EHMT1: variants seen among roughly 807,000 people sequenced by gnomAD.
EHMT1 encodes the protein histone-lysine N-methyltransferase EHMT1.
Under a neutral mutation model 147.2 loss-of-function variants are expected in EHMT1, and 15 were observed. That is an observed-to-expected ratio of 0.10 (90% confidence interval 0.07 to 0.16). The LOEUF (loss-of-function observed/expected upper bound fraction) is 0.16. Ranked by LOEUF, EHMT1 falls within the 10% of genes least tolerant of loss-of-function variation. EHMT1 has a pLI of 1.00. For synonymous variants in EHMT1, 795 were observed against 709.6 expected, an observed-to-expected ratio of 1.12 and a Z score of -1.91; for missense variants, 1,587 against 1,772.4, an observed-to-expected ratio of 0.90 and a Z score of 1.88.
In EHMT1 at chr9:137,775,419, G is replaced by C. The variant is rs1196081261; in HGVS notation, c.1791+167G>C. On this transcript the variant is annotated intron_variant, in intron 11 of 26. Transcript: ENST00000460843. This position sits in a 1 kb window ranked among gnomAD's most constrained non-coding sequence, Gnocchi z 6.1. Reference sequence around the variant, plus strand: ...TGTTCACAAGCCCCTCACCACCCCTGTCGAGCCCCAGTGCCTTAGACACCT... The same window carrying C: ...TGTTCACAAGCCCCTCACCACCCCTCTCGAGCCCCAGTGCCTTAGACACCT... Among the ~76,000 whole-genome samples the C allele has an allele frequency of 3.9e-5, 6 of 151,924 alleles. No homozygotes were observed. The highest frequency in any genetic ancestry group is 7.4e-5 in the Non-Finnish European group (5 of 67,936).
rs1324630842 is a variant in EHMT1 at position 137,711,006 on chromosome 9, G to A, written c.61G>A (p.Val21Met). ...GGGGGAGCCTCAGCAGGATTGCTGT[G>A]TGAAAACCGAGCTGCTGGGAGAAGG... ...ARGEPQQDCC[V>M]KTELLGEETP... The change falls in exon 2 of 27, where the codon GTG becomes ATG. Residue 21 changes from valine (V) to methionine (M), a missense_variant. Around this residue, in one of 7 missense-constraint regions of EHMT1, gnomAD observed 810 missense variants for 673.0 expected, o/e 1.20. Transcript: ENST00000460843. The A allele has an allele frequency of 4.4e-6, 7 of 1,598,346 alleles. No individual in the cohort carries two copies. The highest frequency in any genetic ancestry group is 6.0e-6 in the Non-Finnish European group (7 of 1,173,074).
chr9:137,622,568 G>A (rs1390579634), intron 1 of EHMT1, among the ~76,000 whole-genome samples: 1 of 152,164 alleles, frequency 6.6e-6, no homozygotes, highest in Non-Finnish European at 1.5e-5. Flanking sequence ...GTGAATTAGT[G>A]TAAGATTTAG....
intron 1 of EHMT1, among the ~76,000 whole-genome samples, chr9:137,644,481 C>T (rs1447892809): frequency 1.3e-5 from 2 of 152,116 alleles, no homozygotes; most frequent in Non-Finnish European, 2.9e-5. Context: ...GCACATGCCA[C>T]CACGCCCAGC....
chr9:137,781,300 T>C (rs1951509056), intron 14 of EHMT1, among the ~76,000 whole-genome samples: 47 of 132,036 alleles, frequency 3.6e-4, no homozygotes, highest in Non-Finnish European at 5.6e-4. Context: ...TGTGTGGTGA[T>C]GACGGCATCA....
intron 19 of EHMT1, 141 bp downstream of exon 19, chr9:137,811,756 G>A (rs1308993274): frequency 1.7e-5 from 19 of 1,148,860 alleles, no homozygotes; most frequent in Non-Finnish European, 2.4e-5. Context: ...GTCCATCCTT[G>A]GTGTTCCACA....
intron 16 of EHMT1, among the ~76,000 whole-genome samples, chr9:137,793,431 G>T (rs1031109434): frequency 2.6e-5 from 4 of 152,346 alleles, no homozygotes; most frequent in Admixed American, 1.3e-4. Context: ...GAACTCTCAC[G>T]CGTTGCTAGT....
chr9:137,693,472 G>A (rs919546672), intron 1 of EHMT1, among the ~76,000 whole-genome samples: 7 of 152,072 alleles, frequency 4.6e-5, no homozygotes, highest in African/African-American at 1.4e-4. Context: ...CCAAGGTTAC[G>A]CATCTCATTA....
chr9:137,643,337 G>GTTTTTT (rs71493685), intron 1 of EHMT1, among the ~76,000 whole-genome samples: 4 of 111,872 alleles, frequency 3.6e-5, no homozygotes, highest in Admixed American at 1.1e-4. Flanking sequence ...GTGTATAAAG[G>GTTTTTT]TTTTTTTTTT....
intron 3 of EHMT1, among the ~76,000 whole-genome samples, chr9:137,726,187 C>T (rs999238138): frequency 6.6e-6 from 1 of 152,314 alleles, no homozygotes; most frequent in East Asian, 1.9e-4. Context: ...AGCACATTCA[C>T]GCTGCCGTGC....
intron 10 of EHMT1, among the ~76,000 whole-genome samples, chr9:137,769,729 G>A (rs1261907052): frequency 6.6e-6 from 1 of 152,128 alleles, no homozygotes; most frequent in Non-Finnish European, 1.5e-5. Context: ...TGCTTTTTTG[G>A]TATTTATTTT....
intron 4 of EHMT1, 171 bp from the exon 5 acceptor site, chr9:137,743,200 A>G: frequency 1.5e-6 from 1 of 678,800 alleles, no homozygotes; most frequent in Non-Finnish European, 2.4e-6. Flanking sequence ...ATCGTGAGGG[A>G]AGGATGCCTG....
At chr9:137,761,396 T>C (rs1326161857) in intron 9 of EHMT1, among the ~76,000 whole-genome samples, 1 of 152,266 alleles carries the variant, frequency 6.6e-6, no homozygotes, top group East Asian at 1.9e-4. Context: ...TCAAGGATTC[T>C]TTAGTCTTGG....
chr9:137,834,503 T>C lies in EHMT1; in HGVS notation c.3695T>C (p.Ile1232Thr), dbSNP rs1383887075. The C allele has an allele frequency of 1.9e-6, 3 of 1,611,528 alleles. No individual in the cohort carries two copies. The highest frequency in any genetic ancestry group is 2.5e-6 in the Non-Finnish European group (3 of 1,179,742). Residue 1232 changes from isoleucine (I) to threonine (T), a missense_variant, in exon 26 of 27, where the codon ATC becomes ACC. Around this residue, in one of 7 missense-constraint regions of EHMT1, gnomAD observed 141 missense variants for 150.8 expected, o/e 0.94. Coordinates refer to ENST00000460843, the MANE Select transcript of EHMT1 (RefSeq NM_024757.5). ...ATCGCCTTCTTCAGCACCCGCCTGA[T>C]CGAGGCCGGCGAGCAGCTCGGGTAC... Reference protein sequence around the residue: ...PRIAFFSTRLIEAGEQLGFDY... With the variant: ...PRIAFFSTRLTEAGEQLGFDY...
In EHMT1 at chr9:137,776,713, C is replaced by T; in HGVS notation, c.1887C>T (p.His629=). The change falls in exon 12 of 27, where the codon CAC becomes CAT. Residue 629 remains histidine (H), a synonymous_variant. Transcript: ENST00000460843. This position sits in a 1 kb window ranked among gnomAD's most constrained non-coding sequence, Gnocchi z 4.4. The part of the protein sequence containing the change: ...SRVNNASYCP[H]CGEESSKAKE... ...TCAATAACGCCAGCTATTGTCCCCA[C>T]TGTGGGGAGGAGAGCTCCAAGGCCA... 1 of 1,614,104 alleles carries T rather than the reference C, an allele frequency of 6.2e-7. No homozygotes were observed. The highest frequency in any genetic ancestry group is 8.5e-7 in the Non-Finnish European group (1 of 1,180,030).
intron 1 of EHMT1, among the ~76,000 whole-genome samples, chr9:137,692,267 C>CTTTTTTTTTTTTT (rs11398600): frequency 8.4e-6 from 1 of 118,390 alleles, no homozygotes; most frequent in Non-Finnish European, 1.8e-5. Flanking sequence ...TTCTTTCTTT[C>CTTTTTTTTTTTTT]TTTTTTTTTT....
chr9:137,752,735 C>G (rs1362812154), intron 7 of EHMT1, among the ~76,000 whole-genome samples: 1 of 151,800 alleles, frequency 6.6e-6, no homozygotes, highest in African/African-American at 2.4e-5. Context: ...GTTTGGGATT[C>G]CGCTGCATCG....
intron 2 of EHMT1, among the ~76,000 whole-genome samples, chr9:137,713,263 ATTTTTTTTT>A (rs59459382): frequency 7.8e-5 from 8 of 102,356 alleles, no homozygotes; most frequent in Admixed American, 2.5e-4. Context: ...CACCATGCTA[ATTTTTTTTT>A]TTTTTTTTTT....
At chr9:137,619,360 C>T (rs1233409818) in intron 1 of EHMT1, among the ~76,000 whole-genome samples, 1 of 151,232 alleles carries the variant, frequency 6.6e-6, no homozygotes, top group African/African-American at 2.4e-5. Flanking sequence ...CCACGGACCC[C>T]GTGCCGCCGC....
At chr9:137,826,109 G>A (rs570232580) in intron 25 of EHMT1, among the ~76,000 whole-genome samples, 1 of 142,286 alleles carries the variant, frequency 7.0e-6, no homozygotes, top group Non-Finnish European at 1.5e-5. Context: ...ACCATGTGGC[G>A]TCAGTGCTGT....
Sources: allele counts gnomAD v4.1 joint callset (sites outside exome capture counted in the v4.1 genomes callset), GRCh38; gene constraint gnomAD v4.1.1; regional missense constraint gnomAD v4.1.1; non-coding constraint Gnocchi (gnomAD v3.1); transcripts MANE v1.5; gene names NCBI Gene and HGNC (gene_info 2026-07-23, HGNC 2026-07-21).